The following MOB3B variants were observed in gnomAD, a reference collection of about 807,000 sequenced individuals.
MOB3B encodes the protein MOB kinase activator 3B.
In MOB3B, 7 loss-of-function variants were observed where a neutral mutation model predicts 18.7. The ratio of observed to expected loss-of-function variants is 0.37; its 90% confidence interval spans 0.21 to 0.70. MOB3B has a LOEUF of 0.70. MOB3B is among the 30% of genes least tolerant of loss of function. MOB3B has a pLI of 0.52. For missense variants in MOB3B, 253 were observed against 281.3 expected, an observed-to-expected ratio of 0.90 and a Z score of 0.72; for synonymous variants, 111 against 99.9, an observed-to-expected ratio of 1.11 and a Z score of -0.66.
chr9:27,326,149 A>C lies in MOB3B; in HGVS notation c.*4438T>G, dbSNP rs1820708509. 1 of 250,552 alleles carries C rather than the reference A, an allele frequency of 4.0e-6. No homozygotes were observed. The highest frequency in any genetic ancestry group is 5.5e-5 in the Admixed American group (1 of 18,142). 15.5% of individuals were successfully genotyped at this position (250,552 alleles called of 1,614,324 possible). On this transcript the variant is annotated 3_prime_UTR_variant, in exon 4 of 4. Coordinates refer to ENST00000262244, the MANE Select transcript of MOB3B (RefSeq NM_024761.5). Reference sequence around the variant, plus strand: ...TCTGGACTTAGCAAAGAAACAATATAGTTTGGAGAAGGCATGAAATAAGTT... The same window carrying C: ...TCTGGACTTAGCAAAGAAACAATATCGTTTGGAGAAGGCATGAAATAAGTT...
At chr9:27,506,745 T>C (rs951575058) in intron 1 of MOB3B, among the ~76,000 whole-genome samples, 3 of 151,848 alleles carry the variant, frequency 2.0e-5, no homozygotes, top group Admixed American at 1.3e-4. Flanking sequence ...TTAGCCAGGA[T>C]GGTCTCGATC....
intron 2 of MOB3B, among the ~76,000 whole-genome samples, chr9:27,402,339 C>T (rs189996052): frequency 1.1e-4 from 16 of 152,294 alleles, no homozygotes; most frequent in South Asian, 2.1e-4. Context: ...AGCCTGGACT[C>T]GGTCTATCTT....
chr9:27,477,207 T>G (rs944360720), intron 1 of MOB3B, among the ~76,000 whole-genome samples: 2 of 152,224 alleles, frequency 1.3e-5, no homozygotes, highest in South Asian at 2.1e-4. Flanking sequence ...ACCTCACTCT[T>G]GCTCACAGGA....
chr9:27,465,239 T>C (rs1819361469), intron 1 of MOB3B, among the ~76,000 whole-genome samples: 1 of 152,198 alleles, frequency 6.6e-6, no homozygotes, highest in East Asian at 1.9e-4. Context: ...ATGGGAGAAA[T>C]TGGCCAAAAC....
intron 3 of MOB3B, among the ~76,000 whole-genome samples, chr9:27,343,635 G>A (rs944785693): frequency 2.9e-4 from 43 of 150,598 alleles, no homozygotes; most frequent in African/African-American, 1.0e-3. Flanking sequence ...TAAGGCAAAA[G>A]CATTTTTACT....
At chr9:27,512,082 A>C (rs946579034) in intron 1 of MOB3B, among the ~76,000 whole-genome samples, 2 of 152,162 alleles carry the variant, frequency 1.3e-5, no homozygotes, top group Admixed American at 6.5e-5. Context: ...AGCCTGACAA[A>C]GATAAATCCT....
chr9:27,490,308 G>C (rs1351211304), intron 1 of MOB3B, among the ~76,000 whole-genome samples: 1 of 152,078 alleles, frequency 6.6e-6, no homozygotes, highest in African/African-American at 2.4e-5. Context: ...TTGTCCTAAA[G>C]GTGCTCATGG....
At chr9:27,466,238 C>T (rs1299719268) in intron 1 of MOB3B, among the ~76,000 whole-genome samples, 2 of 152,168 alleles carry the variant, frequency 1.3e-5, no homozygotes, top group Non-Finnish European at 2.9e-5. Context: ...TTCAAAGTTC[C>T]ACAAATCTCT....
chr9:27,342,781 A>G (rs1820968776), intron 3 of MOB3B, among the ~76,000 whole-genome samples: 1 of 151,608 alleles, frequency 6.6e-6, no homozygotes, highest in South Asian at 2.1e-4. Context: ...AATGTTGCCC[A>G]GGCTGGAGTG....
intron 3 of MOB3B, among the ~76,000 whole-genome samples, chr9:27,344,533 G>GAT (rs1821002717): frequency 6.6e-6 from 1 of 152,212 alleles, no homozygotes; most frequent in Non-Finnish European, 1.5e-5. Flanking sequence ...CACCTATGAA[G>GAT]ATTCCTCTGC....
chr9:27,409,288 G>T (rs2131400068), intron 2 of MOB3B, among the ~76,000 whole-genome samples: 1 of 152,306 alleles, frequency 6.6e-6, no homozygotes, highest in East Asian at 1.9e-4. Context: ...ACCCAAAGCT[G>T]CTTGGCCCCA....
At chr9:27,480,735 T>C (rs1190413191) in intron 1 of MOB3B, among the ~76,000 whole-genome samples, 3 of 152,028 alleles carry the variant, frequency 2.0e-5, no homozygotes, top group African/African-American at 2.4e-5. Context: ...CTAGGCAGAA[T>C]TGTATAACTT....
At chr9:27,486,080 A>G (rs895492226) in intron 1 of MOB3B, among the ~76,000 whole-genome samples, 1 of 152,216 alleles carries the variant, frequency 6.6e-6, no homozygotes, top group Non-Finnish European at 1.5e-5. Context: ...ATGATGTACA[A>G]TTACAAATTG....
At position 27,329,145 on chromosome 9, in the gene MOB3B, C is replaced by T. The variant is rs1820753231; in HGVS notation, c.*1442G>A. 1 of 152,168 alleles carries T rather than the reference C, an allele frequency of 6.6e-6. No homozygotes were observed. Among genetic ancestry groups the T allele is most frequent in the South Asian group, 2.1e-4 (1 of 4,814 alleles). The allele number at this position is 152,168 out of a possible 1,614,324, so 9.4% of individuals were successfully genotyped here. On this transcript the variant is annotated 3_prime_UTR_variant, in exon 4 of 4. Transcript: ENST00000262244. ...ACAAAATCAGAGTCATTTAGTTATT[C>T]TTTAATCATTATTACTTTAAAATAC...
At chr9:27,409,173 G>A (rs780410944) in intron 2 of MOB3B, among the ~76,000 whole-genome samples, 10 of 152,164 alleles carry the variant, frequency 6.6e-5, no homozygotes, top group Non-Finnish European at 1.3e-4. Context: ...TATTATTCAT[G>A]TCTTACTACG....
chr9:27,374,367 A>C (rs1045716118), intron 2 of MOB3B, among the ~76,000 whole-genome samples: 1 of 152,142 alleles, frequency 6.6e-6, no homozygotes, highest in African/African-American at 2.4e-5. Flanking sequence ...CTCAAAAACC[A>C]AGGCAATTCC....
chr9:27,356,537 C>T (rs2131353244), intron 3 of MOB3B, among the ~76,000 whole-genome samples: 1 of 152,300 alleles, frequency 6.6e-6, no homozygotes, highest in East Asian at 1.9e-4. Context: ...TTACACTCAG[C>T]TTTTTCCTAC....
chr9:27,508,746 G>A (rs1587267323), intron 1 of MOB3B, among the ~76,000 whole-genome samples: 1 of 152,138 alleles, frequency 6.6e-6, no homozygotes, highest in Non-Finnish European at 1.5e-5. Context: ...CCCAGACAGC[G>A]ATTTGTAGAC....
At chr9:27,358,387 C>G (rs1821224669) in intron 3 of MOB3B, among the ~76,000 whole-genome samples, 1 of 152,170 alleles carries the variant, frequency 6.6e-6, no homozygotes, top group South Asian at 2.1e-4. Context: ...GGAAAGAGAG[C>G]TTTTGAAGAA....
Sources: allele counts gnomAD v4.1 joint callset (sites outside exome capture counted in the v4.1 genomes callset), GRCh38; gene constraint gnomAD v4.1.1; transcripts MANE v1.5; gene names NCBI Gene and HGNC (gene_info 2026-07-23, HGNC 2026-07-21).